The following RBFOX1 variants were observed in gnomAD, a reference collection of about 807,000 sequenced individuals.
RBFOX1 encodes the protein RNA binding fox-1 homolog 1, also known as RNA binding protein fox-1 homolog 1.
Under a neutral mutation model 57.7 loss-of-function variants are expected in RBFOX1, and 8 were observed. The ratio of observed to expected loss-of-function variants is 0.14; its 90% CI spans 0.08 to 0.25. The LOEUF (loss-of-function observed/expected upper bound fraction) is 0.25, where lower values mean the gene tolerates loss of function less well. Among genes scored for constraint, RBFOX1 ranks in the 10% least tolerant of loss-of-function variants. The probability of loss-of-function intolerance (pLI) is 1.00; values close to 1 mark genes in which losing one functional copy is unlikely to be tolerated. For synonymous variants in RBFOX1, 326 were observed against 222.4 expected (o/e 1.47, Z -4.15); for missense variants, 611 against 548.5 (o/e 1.11, Z -1.14).
chr16:5,814,210 C>G (rs1025423640), intron 3 of RBFOX1, among the ~76,000 whole-genome samples: 10 of 152,134 alleles, frequency 6.6e-5, no homozygotes, highest in African/African-American at 1.7e-4. Context: ...TCCGTATGCC[C>G]TCCTTTCCCA....
chr16:5,414,813 A>G (rs953362943), intron 1 of RBFOX1, among the ~76,000 whole-genome samples: 3 of 152,174 alleles, frequency 2.0e-5, no homozygotes, highest in African/African-American at 7.2e-5. Flanking sequence ...AGTTGGGGGT[A>G]GGCTGTGTCA....
intron 2 of RBFOX1, among the ~76,000 whole-genome samples, chr16:5,504,550 G>A (rs1399128950): frequency 1.3e-5 from 2 of 152,192 alleles, no homozygotes; most frequent in Non-Finnish European, 2.9e-5. Flanking sequence ...CGCCCTCCAC[G>A]CGCCTGGTGG....
intron 4 of RBFOX1, among the ~76,000 whole-genome samples, chr16:7,057,355 G>A (rs11647415): frequency 0.14 from 20,613 of 152,158 alleles, 1,484 homozygotes; most frequent in East Asian, 0.17. Context: ...CTTAGAATGG[G>A]AAAGCTGCCT....
intron 3 of RBFOX1, among the ~76,000 whole-genome samples, chr16:5,802,208 A>G (rs1180244023): frequency 6.6e-6 from 1 of 152,080 alleles, no homozygotes; most frequent in Non-Finnish European, 1.5e-5. Flanking sequence ...TAAGCTCCCC[A>G]TCAAAAGGAA....
intron 1 of RBFOX1, among the ~76,000 whole-genome samples, chr16:5,272,580 C>G (rs2063040849): frequency 6.6e-6 from 1 of 152,204 alleles, no homozygotes; most frequent in South Asian, 2.1e-4. Flanking sequence ...CGATACCCCA[C>G]TGACGTGAAA....
chr16:5,382,404 T>C (rs555286590), intron 1 of RBFOX1, among the ~76,000 whole-genome samples: 2 of 147,768 alleles, frequency 1.4e-5, no homozygotes, highest in Admixed American at 6.8e-5. Flanking sequence ...TTTTTTTTTT[T>C]CAAAGAGATG....
At chr16:7,705,692 T>C (rs1195100024) in intron 14 of RBFOX1, among the ~76,000 whole-genome samples, 7 of 152,060 alleles carry the variant, frequency 4.6e-5, no homozygotes, top group African/African-American at 1.7e-4. Context: ...AGTGGAGAGA[T>C]GGACAGACTT....
At chr16:6,260,389 C>CA (rs1168463092) in intron 1 of RBFOX1, among the ~76,000 whole-genome samples, 2 of 152,186 alleles carry the variant, frequency 1.3e-5, no homozygotes, top group Admixed American at 6.5e-5. Flanking sequence ...TGGATGACCC[C>CA]AAAATGTTGC....
chr16:5,878,845 A>T (rs534485394), intron 4 of RBFOX1, among the ~76,000 whole-genome samples: 1 of 152,362 alleles, frequency 6.6e-6, no homozygotes, highest in African/African-American at 2.4e-5. Flanking sequence ...GCCATTTAAA[A>T]TAGGAGGGTT....
At chr16:7,116,219 T>C (rs1324447305) in intron 4 of RBFOX1, among the ~76,000 whole-genome samples, 1 of 152,126 alleles carries the variant, frequency 6.6e-6, no homozygotes, top group Non-Finnish European at 1.5e-5. Flanking sequence ...TTTCACCACC[T>C]TCCTGAATAT....
At chr16:7,457,304 G>A (rs546927872) in intron 4 of RBFOX1, among the ~76,000 whole-genome samples, 7 of 152,142 alleles carry the variant, frequency 4.6e-5, no homozygotes, top group African/African-American at 1.4e-4. Context: ...ACTATCTTCC[G>A]ATCTGTGTCC....
chr16:6,829,819 A>G (rs72766780), intron 3 of RBFOX1, among the ~76,000 whole-genome samples: 9,164 of 152,062 alleles, frequency 0.06, 417 homozygotes, highest in Non-Finnish European at 0.098. Context: ...CCAGGCTGGT[A>G]TCGAATTCTT....
intron 4 of RBFOX1, among the ~76,000 whole-genome samples, chr16:7,487,090 A>G (rs118084851): frequency 0.11 from 16,113 of 151,938 alleles, 908 homozygotes; most frequent in Non-Finnish European, 0.14. Flanking sequence ...AGTAGAGATG[A>G]GGTTTCTCCA....
At chr16:5,999,149 C>T (rs570545027) in intron 4 of RBFOX1, among the ~76,000 whole-genome samples, 6 of 152,330 alleles carry the variant, frequency 3.9e-5, no homozygotes, top group East Asian at 3.9e-4. Context: ...ACAGTCCTCT[C>T]TGTCTTCACT....
At chr16:5,686,089 T>C (rs880630) in intron 3 of RBFOX1, among the ~76,000 whole-genome samples, 96,264 of 152,090 alleles carry the variant, frequency 0.63, 32,226 homozygotes, top group Non-Finnish European at 0.75. Flanking sequence ...TCAGAAACGA[T>C]ATTGAGTGAT....
chr16:7,051,574 G>A (rs2050097284), intron 3 of RBFOX1, among the ~76,000 whole-genome samples: 1 of 152,198 alleles, frequency 6.6e-6, no homozygotes, highest in Non-Finnish European at 1.5e-5. Context: ...GATTAGAACT[G>A]GACCATAAAA....
chr16:7,619,517 A>AG (rs72529082), intron 10 of RBFOX1, among the ~76,000 whole-genome samples: 152,262 of 152,268 alleles, frequency 1, 76,128 homozygotes, highest in African/African-American at 1. Flanking sequence ...GAGAAGGCTT[A>AG]GAAGGCAATT....
chr16:7,055,420 A>G (rs2051813887), intron 4 of RBFOX1, among the ~76,000 whole-genome samples: 1 of 152,134 alleles, frequency 6.6e-6, no homozygotes, highest in South Asian at 2.1e-4. Context: ...GCTTTTTGGT[A>G]TCAGGGCAGT....
In RBFOX1 at chr16:6,525,549, A is replaced by G. The variant is rs957445929; in HGVS notation, c.-63-129054A>G. ...AAACATCACAGACTGGGTAATTTCTAAAGAACAGAAATTTATTTTTCATTG... is the reference window on the plus strand; with the variant it reads ...AAACATCACAGACTGGGTAATTTCTGAAGAACAGAAATTTATTTTTCATTG... On this transcript the variant is annotated intron_variant, in intron 2 of 15. Coordinates refer to ENST00000550418, the MANE Select transcript of RBFOX1 (RefSeq NM_018723.4). Among the ~76,000 whole-genome samples the G allele has an allele frequency of 8.5e-5, 13 of 152,164 alleles. No individual in the cohort carries two copies. In the South Asian group the frequency reaches 1.0e-3, roughly 12 times the overall value.
Sources: gnomAD v4.1 joint callset for allele counts (sites outside exome capture counted in the v4.1 genomes callset) on GRCh38, gnomAD v4.1.1 for gene constraint, MANE v1.5 for transcripts, NCBI Gene and HGNC (gene_info 2026-07-23, HGNC 2026-07-21) for gene names.